The following SRBD1 variants were observed in gnomAD, a reference collection of about 807,000 sequenced individuals.
The protein encoded by SRBD1 is S1 RNA binding domain 1.
A neutral mutation model predicts 115.3 loss-of-function variants in SRBD1; 88 were observed. The ratio of observed to expected loss-of-function variants is 0.76; its 90% CI spans 0.64 to 0.91. SRBD1 has a LOEUF of 0.91. SRBD1 is among the 40% of genes least tolerant of loss of function. SRBD1 has a pLI of 0.00. For missense variants in SRBD1, 1,385 were observed against 1,177.4 expected (o/e 1.18, Z -2.58); for synonymous variants, 509 against 407.7 (o/e 1.25, Z -2.99).
At chr2:45,475,737 C>T (rs1166378257) in intron 16 of SRBD1, among the ~76,000 whole-genome samples, 1 of 152,224 alleles carries the variant, frequency 6.6e-6, no homozygotes, top group East Asian at 1.9e-4. Context: ...CTCGCTCTGT[C>T]ACCCAGGCTA....
chr2:45,539,200 A>G (rs891259794), intron 14 of SRBD1, among the ~76,000 whole-genome samples: 3 of 152,182 alleles, frequency 2.0e-5, no homozygotes, highest in Non-Finnish European at 4.4e-5. Flanking sequence ...CTATCTTCTT[A>G]AAGAGATCTA....
intron 16 of SRBD1, among the ~76,000 whole-genome samples, chr2:45,458,109 A>C (rs1669207497): frequency 6.6e-6 from 1 of 152,128 alleles, no homozygotes; most frequent in South Asian, 2.1e-4. Flanking sequence ...AACCTATCAA[A>C]CCAAGGAGAA....
chr2:45,485,120 T>A, intron 15 of SRBD1, among the ~76,000 whole-genome samples: 1 of 152,220 alleles, frequency 6.6e-6, no homozygotes, highest in East Asian at 1.9e-4. Flanking sequence ...GCTGGGCCTA[T>A]GTTTAATTTG....
At chr2:45,419,646 G>A (rs891194558) in intron 17 of SRBD1, 142 bp downstream of exon 17, 2 of 640,548 alleles carry the variant, frequency 3.1e-6, no homozygotes, top group Non-Finnish European at 5.5e-6. Flanking sequence ...CTTCCCCTCT[G>A]ATTACTTAAA....
rs545239869 is a variant in SRBD1, at chr2:45,565,916, G to A, written c.1306-3160C>T. 3.9e-5 allele frequency among the ~76,000 whole-genome samples: 6 copies of A among 152,310 alleles called. No individual in the cohort carries two copies. In the South Asian group the frequency reaches 1.2e-3, roughly 32 times the overall value. On this transcript the variant is annotated intron_variant, in intron 9 of 20. Coordinates refer to ENST00000263736, the MANE Select transcript of SRBD1 (RefSeq NM_018079.5). ...GCTTGGATTATAGGCGTGAGCCATC[G>A]CGCCTGGCCACAACCCAATTTAAAA...
intron 12 of SRBD1, among the ~76,000 whole-genome samples, chr2:45,550,524 G>C (rs931430545): frequency 2.8e-5 from 4 of 144,798 alleles, no homozygotes; most frequent in African/African-American, 7.6e-5. Context: ...CATCTTTAAA[G>C]TACTGAAAGT....
chr2:45,574,572 G>A, intron 8 of SRBD1, 55 bp downstream of exon 8: 1 of 1,515,634 alleles, frequency 6.6e-7, no homozygotes, highest in Admixed American at 1.9e-5. Flanking sequence ...CTAACCGTGT[G>A]ACCCTTAACA....
intron 7 of SRBD1, 51 bp downstream of exon 7, chr2:45,579,824 T>TAAAAAAAAAAAAA: frequency 7.5e-7 from 1 of 1,332,946 alleles, no homozygotes; most frequent in Non-Finnish European, 9.9e-7. Flanking sequence ...GTTTTTAAAT[T>TAAAAAAAAAAAAA]AAAAAAAAAA....
chr2:45,573,384 AT>A lies in SRBD1; in HGVS notation c.1170-43del, dbSNP rs763228056. ...GTGTTCAAAAAACAAGCAGTTATTA[AT>A]TTGTGCTTTAGTAAAGAATATATAG... On this transcript the variant is annotated intron_variant, in intron 8 of 20. Coordinates refer to ENST00000263736, the MANE Select transcript of SRBD1 (RefSeq NM_018079.5). 17 of 1,577,770 alleles carry A rather than the reference AT, an allele frequency of 1.1e-5. No individual in the cohort carries two copies. In the East Asian group the frequency reaches 3.9e-4, roughly 36 times the overall value.
intron 9 of SRBD1, among the ~76,000 whole-genome samples, chr2:45,566,817 T>C (rs1672844249): frequency 6.6e-6 from 1 of 152,126 alleles, no homozygotes; most frequent in Non-Finnish European, 1.5e-5. Flanking sequence ...TGCTAGTCTG[T>C]AACTATATAT....
chr2:45,488,844 T>A (rs1402004853), intron 14 of SRBD1, among the ~76,000 whole-genome samples: 1 of 151,934 alleles, frequency 6.6e-6, no homozygotes, highest in Non-Finnish European at 1.5e-5. Context: ...CTGGTTATAA[T>A]TAACAACCAC....
At chr2:45,418,240 C>T in intron 18 of SRBD1, 125 bp downstream of exon 18, 1 of 1,121,008 alleles carries the variant, frequency 8.9e-7, no homozygotes, top group Non-Finnish European at 1.3e-6. Context: ...AGTCACTCAA[C>T]ACTTAACTGA....
At chr2:45,597,709 T>C (rs1673947132) in intron 4 of SRBD1, among the ~76,000 whole-genome samples, 1 of 152,194 alleles carries the variant, frequency 6.6e-6, no homozygotes, top group Non-Finnish European at 1.5e-5. Context: ...CTGTCCCTTT[T>C]GTTCTTTGAA....
intron 4 of SRBD1, among the ~76,000 whole-genome samples, chr2:45,596,988 T>TAACACA (rs139080511): frequency 4.3e-5 from 6 of 140,974 alleles, no homozygotes; most frequent in African/African-American, 1.6e-4. Flanking sequence ...CCCACAACCC[T>TAACACA]CACACACACA....
chr2:45,606,865 A>C (rs1674290237), intron 1 of SRBD1, among the ~76,000 whole-genome samples: 1 of 152,210 alleles, frequency 6.6e-6, no homozygotes, highest in Non-Finnish European at 1.5e-5. Flanking sequence ...CCTTTAAACA[A>C]GTTTCTGACC....
intron 7 of SRBD1, among the ~76,000 whole-genome samples, chr2:45,579,310 T>C (rs957420536): frequency 2.0e-5 from 3 of 152,228 alleles, no homozygotes; most frequent in African/African-American, 7.2e-5. Flanking sequence ...ACAGTAGAAG[T>C]GTGAGAGTGG....
At chr2:45,449,258 T>C (rs1668918506) in intron 16 of SRBD1, among the ~76,000 whole-genome samples, 1 of 152,188 alleles carries the variant, frequency 6.6e-6, no homozygotes, top group African/African-American at 2.4e-5. Context: ...TTGAGGACCT[T>C]GATACACACT....
At chr2:45,493,020 A>T (rs1258112341) in intron 14 of SRBD1, among the ~76,000 whole-genome samples, 2 of 152,218 alleles carry the variant, frequency 1.3e-5, no homozygotes, top group African/African-American at 4.8e-5. Flanking sequence ...ATTCTTTACA[A>T]AAGTATATTA....
chr2:45,415,748 CGAGAGGAGAGGAGAGGAGAGGAGAG>C (rs760776318), intron 18 of SRBD1, among the ~76,000 whole-genome samples: 7 of 4,798 alleles, frequency 1.5e-3, no homozygotes, highest in South Asian at 0.011. Flanking sequence ...CGAGAGGAGA[CGAGAGGAGAGGAGAGGAGAGGAGAG>C]GAGAGGAGAG....
Sources: gnomAD v4.1 joint callset for allele counts (sites outside exome capture counted in the v4.1 genomes callset) on GRCh38, gnomAD v4.1.1 for gene constraint, MANE v1.5 for transcripts, NCBI Gene and HGNC (gene_info 2026-07-23, HGNC 2026-07-21) for gene names.